ANKFY1: variants seen among roughly 807,000 people sequenced by gnomAD.
The protein encoded by ANKFY1 is ankyrin repeat and FYVE domain containing 1, also known as ankyrin repeat and FYVE domain-containing protein 1.
Under a neutral mutation model 128.3 loss-of-function variants are expected in ANKFY1, and 47 were observed. The observed-to-expected ratio is 0.37, with a 90% CI of 0.29 to 0.47. ANKFY1 has a LOEUF of 0.47. Ranked by LOEUF, ANKFY1 falls within the 20% of genes least tolerant of loss-of-function variation. ANKFY1 has a pLI of 1.00. For missense variants in ANKFY1, 1,222 were observed against 1,510.6 expected (o/e 0.81, Z 3.17); for synonymous variants, 553 against 601.6 (o/e 0.92, Z 1.18).
In ANKFY1 at chr17:4,207,158, GTCTAACCACAGAGGGCCCGATCTA is replaced by G. The variant is rs879906334; in HGVS notation, c.733-696_733-673del. Among the ~76,000 whole-genome samples, 919 of 150,350 alleles carry G rather than the reference GTCTAACCACAGAGGGCCCGATCTA, an allele frequency of 6.1e-3. 10 individuals are homozygous for G. Among genetic ancestry groups the G allele is most frequent in the Non-Finnish European group, 9.6e-3 (647 of 67,470 alleles). Reference sequence around the variant, plus strand: ...CATCTAACCACAGAGGGCCCGACCCGTCTAACCACAGAGGGCCCGATCTATCTAACCACAGAGGGCCCGATCTAT... The same window carrying G: ...CATCTAACCACAGAGGGCCCGACCCGTCTAACCACAGAGGGCCCGATCTAT... On this transcript the variant is annotated intron_variant, in intron 6 of 24. Coordinates refer to ENST00000341657, the MANE Select transcript of ANKFY1 (RefSeq NM_001330063.2).
At position 4,174,030 on chromosome 17, in the gene ANKFY1, T is replaced by C; in HGVS notation, c.2802A>G (p.Glu934=). 1 of 1,614,150 alleles carries C rather than the reference T, an allele frequency of 6.2e-7. No individual in the cohort carries two copies. Among genetic ancestry groups the C allele is most frequent in the Non-Finnish European group, 8.5e-7 (1 of 1,179,980 alleles). The part of the protein sequence containing the change: ...NLLLAGAKVN[E]LTKHRQTALH... ...GGGCAGTCTGGCGATGCTTGGTTAA[T>C]TCGTTCACTTTGGCTCCCGCAAGAA... Residue 934 remains glutamate (E), a synonymous_variant, in exon 20 of 25, where the codon GAA becomes GAG. Transcript: ENST00000341657.
chr17:4,176,276 G>A (rs937972966), intron 19 of ANKFY1, among the ~76,000 whole-genome samples: 5 of 152,202 alleles, frequency 3.3e-5, no homozygotes, highest in Non-Finnish European at 5.9e-5. Flanking sequence ...CAGAAACAGT[G>A]ACACCAAGGC....
intron 7 of ANKFY1, among the ~76,000 whole-genome samples, chr17:4,203,827 C>CAAAAAAA (rs773865349): frequency 1.3e-3 from 97 of 77,508 alleles, no homozygotes; most frequent in African/African-American, 2.5e-3. Flanking sequence ...ACAACAACAA[C>CAAAAAAA]AAAAAAAAAA....
intron 1 of ANKFY1, 167 bp downstream of exon 1, chr17:4,263,765 G>A (rs770962188): frequency 3.9e-6 from 6 of 1,542,564 alleles, no homozygotes; most frequent in African/African-American, 1.4e-5. Context: ...ACCGCGCTCC[G>A]GACCCCGGCC....
intron 2 of ANKFY1, among the ~76,000 whole-genome samples, chr17:4,239,373 G>A (rs1022203611): frequency 6.6e-6 from 1 of 152,114 alleles, no homozygotes. Flanking sequence ...AAAAAAAGAC[G>A]ATGGATTATA....
chr17:4,217,100 G>A lies in ANKFY1; in HGVS notation c.341C>T (p.Thr114Met), dbSNP rs190934806. Residue 114 changes from threonine (T) to methionine (M), a missense_variant, in exon 4 of 25, where the codon ACG (threonine) becomes ATG (methionine). Coordinates refer to ENST00000341657, the MANE Select transcript of ANKFY1 (RefSeq NM_001330063.2). ...LDLSDANPEV[T>M]MTMLRWIYTD... Reference sequence around the variant, plus strand: ...ATAGATCCAGCGAAGCATTGTCATCGTCACCTCAGGATTAGCATCTGGTTA... The same window carrying A: ...ATAGATCCAGCGAAGCATTGTCATCATCACCTCAGGATTAGCATCTGGTTA... 5.5e-5 allele frequency: 89 copies of A among 1,612,282 alleles called. No individual in the cohort carries two copies. Among genetic ancestry groups the A allele is most frequent in the African/African-American group, 2.4e-4 (18 of 74,980 alleles).
chr17:4,210,098 TG>T, intron 4 of ANKFY1, 151 bp from the exon 5 acceptor site: 1 of 564,594 alleles, frequency 1.8e-6, no homozygotes, highest in Non-Finnish European at 2.9e-6. Context: ...AAATTACAGT[TG>T]GTCTCCCATA....
intron 1 of ANKFY1, among the ~76,000 whole-genome samples, chr17:4,257,421 C>T (rs1222535245): frequency 6.6e-6 from 1 of 152,168 alleles, no homozygotes; most frequent in Non-Finnish European, 1.5e-5. Flanking sequence ...AATCCAAATG[C>T]TGAACCAATG....
At chr17:4,189,361 C>A in intron 11 of ANKFY1, 21 bp downstream of exon 11, 1 of 1,544,646 alleles carries the variant, frequency 6.5e-7, no homozygotes, top group East Asian at 2.4e-5. Flanking sequence ...CCATTTTCTC[C>A]GGCTGCCCTG....
intron 1 of ANKFY1, among the ~76,000 whole-genome samples, chr17:4,254,342 C>G (rs528279893): frequency 9.7e-5 from 14 of 143,688 alleles, no homozygotes; most frequent in Non-Finnish European, 1.6e-4. Context: ...AAGGAAGGCA[C>G]AGAGGGAGTC....
chr17:4,260,931 T>C (rs2143592586), intron 1 of ANKFY1, among the ~76,000 whole-genome samples: 1 of 152,324 alleles, frequency 6.6e-6, no homozygotes, highest in East Asian at 1.9e-4. Flanking sequence ...TCAAGTTATA[T>C]GACACAGATA....
chr17:4,183,617 C>A (rs1033860979), intron 13 of ANKFY1, 66 bp from the exon 14 acceptor site: 1 of 1,581,688 alleles, frequency 6.3e-7, no homozygotes, highest in Non-Finnish European at 8.6e-7. Context: ...CTTACTACAA[C>A]AGCCAGACCC....
chr17:4,218,307 G>GT (rs1260249159), intron 3 of ANKFY1, among the ~76,000 whole-genome samples: 5 of 152,154 alleles, frequency 3.3e-5, no homozygotes, highest in African/African-American at 7.2e-5. Flanking sequence ...AACAAAAATC[G>GT]TAAGAGTCCA....
chr17:4,225,772 A>AC (rs1382964109), intron 3 of ANKFY1, among the ~76,000 whole-genome samples: 1 of 151,148 alleles, frequency 6.6e-6, no homozygotes, highest in East Asian at 1.9e-4. Context: ...TATTTATATA[A>AC]TTTTTTTTTG....
chr17:4,183,537 C>T lies in ANKFY1; in HGVS notation c.1813G>A (p.Ala605Thr), dbSNP rs2059553793. 5.6e-6 allele frequency: 9 copies of T among 1,612,134 alleles called. No individual in the cohort carries two copies. The highest frequency in any genetic ancestry group is 6.8e-6 in the Non-Finnish European group (8 of 1,180,006). Reference protein sequence around the residue: ...LALWTGMHTIAAQLLGSGAAI... With the variant: ...LALWTGMHTITAQLLGSGAAI... ...GCTCCAGAGCCCAGCAGCTGGGCTG[C>T]GATCGTGTGCATGCCTGGGAAACAA... The change falls in exon 14 of 25, where the codon GCA (alanine) becomes ACA (threonine). Residue 605 changes from alanine to threonine, a missense_variant. Physicochemically the swap from Ala to Thr is moderately conservative, Grantham distance 58. Coordinates refer to ENST00000341657, the MANE Select transcript of ANKFY1 (RefSeq NM_001330063.2).
intron 15 of ANKFY1, 35 bp downstream of exon 15, chr17:4,182,146 T>A: frequency 7.0e-7 from 1 of 1,435,714 alleles, no homozygotes; most frequent in Non-Finnish European, 9.3e-7. Context: ...CATATCCCCA[T>A]CTGTAAACAG....
Position 4,182,240 on chromosome 17 carries a change from C to T in ANKFY1, c.2062G>A (p.Gly688Arg), listed in dbSNP as rs180804740. The part of the protein sequence containing the change: ...GADMSVPDEK[G>R]NPPLWLALAN... Reference sequence around the variant, plus strand: ...AATGCAAGCCACAGCGGGGGGTTCCCCTTCTCATCTGGCACAGACATGTCA... The same window carrying T: ...AATGCAAGCCACAGCGGGGGGTTCCTCTTCTCATCTGGCACAGACATGTCA... Residue 688 changes from glycine to arginine, a missense_variant, in exon 15 of 25, where the codon GGG becomes AGG. By Grantham distance (125) the Gly-to-Arg change is moderately radical. Transcript: ENST00000341657. The T allele has an allele frequency of 2.5e-6, 4 of 1,585,222 alleles. No homozygotes were observed. The East Asian group carries it at 9.1e-5, about 36-fold the overall frequency.
intron 11 of ANKFY1, chr17:4,187,463 C>T: frequency 2.6e-6 from 1 of 390,894 alleles, no homozygotes; most frequent in Non-Finnish European, 4.5e-6. Context: ...CCAAAACCCT[C>T]CAATGGCTCT....
rs746321528 is a variant in ANKFY1 at position 4,182,337 on chromosome 17, C to G, written c.1965G>C (p.Gly655=). 6.3e-7 allele frequency: 1 copy of G among 1,580,746 alleles called. No individual in the cohort carries two copies. The highest frequency in any genetic ancestry group is 2.3e-5 in the East Asian group (1 of 43,846). ...TGATGGCCAGCTGGAGGGCTGTCTC[C>G]CCGTCCTGAGTCCTGCTAGGACATG... The part of the protein sequence containing the change: ...QADINVRTQD[G]ETALQLAIRN... Residue 655 remains glycine (G), a synonymous_variant, in exon 15 of 25, where the codon GGG becomes GGC. Transcript: ENST00000341657.
Sources: gnomAD v4.1 joint callset for allele counts (sites outside exome capture counted in the v4.1 genomes callset) on GRCh38, gnomAD v4.1.1 for gene constraint, MANE v1.5 for transcripts, NCBI Gene and HGNC (gene_info 2026-07-23, HGNC 2026-07-21) for gene names.